MTMR9: variants seen among roughly 807,000 people sequenced by gnomAD.
MTMR9 encodes myotubularin related protein 9, also known as myotubularin-related protein 9.
MTMR9 carries 39 observed loss-of-function variants against 69.5 expected under a neutral mutation model. That is an observed-to-expected ratio of 0.56 (90% CI 0.43 to 0.73). MTMR9 has a LOEUF of 0.73. Ranked by LOEUF, MTMR9 falls within the 30% of genes least tolerant of loss-of-function variation. The pLI, the probability that MTMR9 is intolerant of heterozygous loss-of-function variation, is 0.00. For synonymous variants in MTMR9, 354 were observed against 240.8 expected (o/e 1.47, Z -4.35); for missense variants, 900 against 671.2 (o/e 1.34, Z -3.77).
Position 11,285,043 on chromosome 8 carries a change from A to G in MTMR9, c.155A>G (p.His52Arg), listed in dbSNP as rs1225408449. Residue 52 changes from histidine to arginine, a missense_variant, in exon 1 of 10, where the codon CAT becomes CGT. Transcript: ENST00000221086. ...QDNTEELWLL[H>R]SNIDAIDKRF... ...AATACGGAGGAGCTGTGGCTCCTCC[A>G]TTCAAACATCGACGCCATCGACAAG... 2 of 1,609,200 alleles carry G rather than the reference A, an allele frequency of 1.2e-6. No homozygotes were observed. The highest frequency in any genetic ancestry group is 1.1e-5 in the South Asian group (1 of 90,554).
chr8:11,335,181 C>G, the MTMR9 span, among the ~76,000 whole-genome samples: 1 of 152,164 alleles, frequency 6.6e-6, no homozygotes, highest in Non-Finnish European at 1.5e-5. Flanking sequence ...CTAAAATAAG[C>G]AACCATAATC....
At chr8:11,331,134 C>G (rs746901665), downstream of MTMR9, 5 of 1,605,832 alleles carry the variant, frequency 3.1e-6, no homozygotes, top group South Asian at 1.1e-5. Flanking sequence ...CTACTTCAAC[C>G]TGCCTGACTC....
chr8:11,336,100 C>T, the MTMR9 span, among the ~76,000 whole-genome samples: 1 of 152,176 alleles, frequency 6.6e-6, no homozygotes, highest in East Asian at 1.9e-4. Context: ...AAAAGAGGTA[C>T]AATGTAATCA....
chr8:11,298,230 T>C lies in MTMR9; in HGVS notation c.292-1793T>C, dbSNP rs1799624432. 6.6e-5 allele frequency among the ~76,000 whole-genome samples: 10 copies of C among 152,284 alleles called. No homozygotes were observed. In the South Asian group the frequency reaches 1.9e-3, roughly 28 times the overall value. On this transcript the variant is annotated intron_variant, in intron 2 of 9. Coordinates refer to ENST00000221086, the MANE Select transcript of MTMR9 (RefSeq NM_015458.4). Reference sequence around the variant, plus strand: ...ATAAGATCTCAAGATGAAATATGAGTGCTTATTGCCTGTGAGAGTGGTTGC... The same window carrying C: ...ATAAGATCTCAAGATGAAATATGAGCGCTTATTGCCTGTGAGAGTGGTTGC...
rs1014277184 is a variant in MTMR9, at chr8:11,323,726, G to A, written c.*938G>A. The A allele has an allele frequency of 1.1e-4, 17 of 152,148 alleles. 1 individual carries two copies. The highest frequency in any genetic ancestry group is 6.8e-3 in the Middle Eastern group (2 of 294). The allele number at this position is 152,148 out of a possible 1,614,324, so 9.4% of individuals were successfully genotyped here. ...TATGTGTATGTGTGTTTTATTGTGT[G>A]TTTTTTTAATTTGTAAGTATTCTAA... On this transcript the variant is annotated 3_prime_UTR_variant, in exon 10 of 10. Coordinates refer to ENST00000221086, the MANE Select transcript of MTMR9 (RefSeq NM_015458.4).
intron 6 of MTMR9, among the ~76,000 whole-genome samples, chr8:11,314,048 C>A (rs541281878): frequency 1.3e-5 from 2 of 152,152 alleles, no homozygotes; most frequent in African/African-American, 2.4e-5. Flanking sequence ...AGATGACTTA[C>A]AAACATGGAA....
At chr8:11,320,047 T>C (rs1800609325) in intron 9 of MTMR9, 1 of 496,958 alleles carries the variant, frequency 2.0e-6, no homozygotes, top group South Asian at 3.5e-5. Context: ...CATTGAGAAA[T>C]TAACAGTGTT....
intron 1 of MTMR9, among the ~76,000 whole-genome samples, chr8:11,289,896 A>G (rs1254519438): frequency 6.6e-6 from 1 of 152,214 alleles, no homozygotes; most frequent in East Asian, 1.9e-4. Flanking sequence ...GGTAACTTCC[A>G]ACTCCCTGCT....
chr8:11,311,279 C>G (rs1243193983), intron 6 of MTMR9, among the ~76,000 whole-genome samples: 2 of 152,078 alleles, frequency 1.3e-5, no homozygotes, highest in Non-Finnish European at 2.9e-5. Context: ...CAACAGAAGA[C>G]AAAAAGCTAA....
chr8:11,330,192 G>C (rs1801151681), downstream of MTMR9, among the ~76,000 whole-genome samples: 2 of 151,808 alleles, frequency 1.3e-5, 1 homozygote. Flanking sequence ...CCGTCCGGGA[G>C]GGAGGTGGGG....
At chr8:11,314,438 A>G (rs11990108) in intron 6 of MTMR9, among the ~76,000 whole-genome samples, 1 of 151,976 alleles carries the variant, frequency 6.6e-6, no homozygotes, top group Admixed American at 6.6e-5. Flanking sequence ...CATTTTCCAG[A>G]TTGAATTACA....
downstream of MTMR9, chr8:11,330,980 G>A: frequency 6.9e-7 from 1 of 1,448,284 alleles, no homozygotes; most frequent in South Asian, 1.5e-5. Context: ...GGGAAAATAG[G>A]CGTGCTACCA....
chr8:11,317,172 C>A (rs889781196), intron 8 of MTMR9: 1 of 213,088 alleles, frequency 4.7e-6, no homozygotes, highest in Non-Finnish European at 9.2e-6. Context: ...TAGTATCTTA[C>A]ATGTGGAAAA....
At chr8:11,294,698 C>T in intron 1 of MTMR9, 1 of 152,102 alleles carries the variant, frequency 6.6e-6, no homozygotes. Flanking sequence ...ACTGTGTTAG[C>T]CAGGATGGTC....
At chr8:11,315,377 C>G (rs546741546) in intron 7 of MTMR9, among the ~76,000 whole-genome samples, 2 of 152,232 alleles carry the variant, frequency 1.3e-5, no homozygotes, top group South Asian at 4.1e-4. Flanking sequence ...AAGACATAAG[C>G]AGTCGGGGAA....
At chr8:11,331,816 G>T, downstream of MTMR9, 1 of 1,611,904 alleles carries the variant, frequency 6.2e-7, no homozygotes, top group South Asian at 1.1e-5. Flanking sequence ...TGTGTGCCAG[G>T]CCTCTTTGTG....
intron 1 of MTMR9, among the ~76,000 whole-genome samples, chr8:11,293,990 G>C (rs1003659748): frequency 1.3e-5 from 2 of 152,058 alleles, no homozygotes; most frequent in African/African-American, 4.8e-5. Context: ...ATACCACTTT[G>C]TTCTTATTCA....
chr8:11,295,045 A>G, intron 1 of MTMR9, 149 bp from the exon 2 acceptor site: 1 of 501,486 alleles, frequency 2.0e-6, no homozygotes, highest in Non-Finnish European at 3.5e-6. Flanking sequence ...CATTTTAATG[A>G]TGCAGCCTTG....
chr8:11,335,033 C>T, the MTMR9 span, among the ~76,000 whole-genome samples: 2 of 152,198 alleles, frequency 1.3e-5, no homozygotes, highest in African/African-American at 4.8e-5. Flanking sequence ...CAAGCATGTG[C>T]ACTCTCACGA....
Sources: allele counts gnomAD v4.1 joint callset (sites outside exome capture counted in the v4.1 genomes callset), GRCh38; gene constraint gnomAD v4.1.1; transcripts MANE v1.5; gene names NCBI Gene and HGNC (gene_info 2026-07-23, HGNC 2026-07-21).